SPATA16: variants seen among roughly 807,000 people sequenced by gnomAD.
SPATA16 encodes spermatogenesis associated 16, also known as spermatogenesis-associated protein 16.
Under a neutral mutation model 63.3 loss-of-function variants are expected in SPATA16, and 36 were observed. The observed-to-expected ratio is 0.57, with a 90% CI of 0.44 to 0.75. The LOEUF (loss-of-function observed/expected upper bound fraction) is 0.75. Ranked by LOEUF, SPATA16 falls within the 30% of genes least tolerant of loss-of-function variation. The probability of loss-of-function intolerance (pLI) is 0.00; values close to 1 mark genes in which losing one functional copy is unlikely to be tolerated. For synonymous variants in SPATA16, 203 were observed against 216.7 expected (o/e 0.94, Z 0.56); for missense variants, 646 against 679.3 (o/e 0.95, Z 0.54).
intron 4 of SPATA16, among the ~76,000 whole-genome samples, chr3:173,009,387 G>A (rs981216726): frequency 6.6e-6 from 1 of 152,174 alleles, no homozygotes; most frequent in African/African-American, 2.4e-5. Flanking sequence ...GAGCTCCTGG[G>A]GGATCCACAA....
At chr3:173,002,870 G>C (rs1332887765) in intron 4 of SPATA16, among the ~76,000 whole-genome samples, 2 of 152,176 alleles carry the variant, frequency 1.3e-5, no homozygotes, top group Admixed American at 6.5e-5. Flanking sequence ...GTGAAAACTT[G>C]ATAGCAGATT....
chr3:173,094,678 T>TC (rs1491387613), intron 2 of SPATA16, among the ~76,000 whole-genome samples: 11 of 65,012 alleles, frequency 1.7e-4, no homozygotes, highest in African/African-American at 7.0e-4. Context: ...ATGGGAGTTG[T>TC]TTTTTTTTTT....
At chr3:173,071,858 TAATGA>T (rs1736682435) in intron 2 of SPATA16, among the ~76,000 whole-genome samples, 1 of 152,172 alleles carries the variant, frequency 6.6e-6, no homozygotes, top group African/African-American at 2.4e-5. Context: ...ATAGAAACGT[TAATGA>T]AATGCCATCT....
intron 6 of SPATA16, 150 bp from the exon 7 acceptor site, chr3:172,925,642 C>A (rs1343944008): frequency 7.8e-6 from 7 of 892,656 alleles, no homozygotes; most frequent in Non-Finnish European, 1.2e-5. Flanking sequence ...ATCAAAAGGT[C>A]AAATAGATAA....
At chr3:172,935,369 A>T (rs1732960004) in intron 6 of SPATA16, among the ~76,000 whole-genome samples, 1 of 152,216 alleles carries the variant, frequency 6.6e-6, no homozygotes, top group South Asian at 2.1e-4. Context: ...ATGTAAGATT[A>T]AAAAACCCAA....
intron 10 of SPATA16, among the ~76,000 whole-genome samples, chr3:172,904,917 G>A (rs966685592): frequency 2.6e-5 from 4 of 152,146 alleles, no homozygotes; most frequent in African/African-American, 9.6e-5. Context: ...CAGGACTTTG[G>A]TTAAGGCTCT....
intron 2 of SPATA16, among the ~76,000 whole-genome samples, chr3:173,050,048 T>C (rs948014328): frequency 1.3e-5 from 2 of 152,200 alleles, no homozygotes; most frequent in African/African-American, 4.8e-5. Flanking sequence ...CTTATTTATA[T>C]ATCCTTCAGT....
chr3:173,110,261 AT>A (rs1164186549), intron 2 of SPATA16, among the ~76,000 whole-genome samples: 3 of 152,186 alleles, frequency 2.0e-5, no homozygotes, highest in Non-Finnish European at 4.4e-5. Context: ...TAGAATAACA[AT>A]TTGTGCATTT....
In SPATA16 at chr3:173,117,668, C is replaced by A; in HGVS notation, c.64G>T (p.Val22Phe). The change falls in exon 2 of 11, where the codon GTT becomes TTT. Residue 22 changes from valine to phenylalanine, a missense_variant. Coordinates refer to ENST00000351008, the MANE Select transcript of SPATA16 (RefSeq NM_031955.6). ...TTCTTGCTTGTGTTTATCTTTGGAA[C>A]AAGCTGATCATGATAGATCCTATTC... ...AVNRIYHDQL[V>F]PKINTSKKMS... 6.2e-7 allele frequency: 1 copy of A among 1,614,116 alleles called. No homozygotes were observed. Among genetic ancestry groups the A allele is most frequent in the Non-Finnish European group, 8.5e-7 (1 of 1,180,004 alleles).
At chr3:173,010,345 C>G (rs965207772) in intron 4 of SPATA16, among the ~76,000 whole-genome samples, 2 of 152,072 alleles carry the variant, frequency 1.3e-5, no homozygotes, top group African/African-American at 4.8e-5. Flanking sequence ...CCTGTGAGCC[C>G]CTGCCCTACG....
chr3:173,114,154 T>C (rs1027290349), intron 2 of SPATA16, among the ~76,000 whole-genome samples: 3 of 127,734 alleles, frequency 2.3e-5, no homozygotes, highest in African/African-American at 9.4e-5. Context: ...CACTCCAGCC[T>C]GGGCAACAGA....
At chr3:173,017,539 TA>T (rs1195154996) in intron 4 of SPATA16, among the ~76,000 whole-genome samples, 1 of 151,896 alleles carries the variant, frequency 6.6e-6, no homozygotes, top group African/African-American at 2.4e-5. Context: ...CTCCTAAAAG[TA>T]AAAAAAAGCC....
chr3:173,135,593 T>C, intron 1 of SPATA16, among the ~76,000 whole-genome samples: 1 of 152,148 alleles, frequency 6.6e-6, no homozygotes, highest in East Asian at 1.9e-4. Context: ...TGGAAAAATA[T>C]TATTAGCAGT....
intron 4 of SPATA16, among the ~76,000 whole-genome samples, chr3:173,015,643 G>C (rs1735165435): frequency 6.6e-6 from 1 of 152,126 alleles, no homozygotes; most frequent in Non-Finnish European, 1.5e-5. Flanking sequence ...CAACCACATA[G>C]TACCACAGAC....
At chr3:173,055,579 A>T (rs1736203663) in intron 2 of SPATA16, among the ~76,000 whole-genome samples, 1 of 152,254 alleles carries the variant, frequency 6.6e-6, no homozygotes, top group Admixed American at 6.5e-5. Context: ...AGAACAGATT[A>T]TTGATAATGA....
chr3:172,947,767 G>C (rs1733327786), intron 6 of SPATA16, among the ~76,000 whole-genome samples: 1 of 151,998 alleles, frequency 6.6e-6, no homozygotes, highest in Non-Finnish European at 1.5e-5. Context: ...ATCACTCACC[G>C]GGGCCTGTCG....
chr3:173,069,522 C>T (rs1342435739), intron 2 of SPATA16, among the ~76,000 whole-genome samples: 1 of 152,130 alleles, frequency 6.6e-6, no homozygotes, highest in Admixed American at 6.5e-5. Flanking sequence ...AAGCCCAGGA[C>T]CTTATGACTT....
rs769996374 is a variant in SPATA16 at position 173,019,465 on chromosome 3, CA to C, written c.848+20del. On this transcript the variant is annotated intron_variant, in intron 4 of 10. Coordinates refer to ENST00000351008, the MANE Select transcript of SPATA16 (RefSeq NM_031955.6). ...TAATTTGACTTGATATAAATCCTCA[CA>C]AAAGTTAAAACAAACATACCGGGCA... 1.2e-6 allele frequency: 2 copies of C among 1,604,444 alleles called. No homozygotes were observed. The highest frequency in any genetic ancestry group is 4.5e-5 in the East Asian group (2 of 44,820).
intron 2 of SPATA16, among the ~76,000 whole-genome samples, chr3:173,056,747 A>C (rs1358716826): frequency 6.6e-6 from 1 of 150,416 alleles, no homozygotes; most frequent in Non-Finnish European, 1.5e-5. Context: ...GGTTGAGTAT[A>C]CATTTTTTGG....
Sources: allele counts gnomAD v4.1 joint callset (sites outside exome capture counted in the v4.1 genomes callset), GRCh38; gene constraint gnomAD v4.1.1; transcripts MANE v1.5; gene names NCBI Gene and HGNC (gene_info 2026-07-23, HGNC 2026-07-21).